The following PITPNM2 variants were observed in gnomAD, a reference collection of about 807,000 sequenced individuals.
The protein encoded by PITPNM2 is membrane-associated phosphatidylinositol transfer protein 2.
Under a neutral mutation model 132.2 loss-of-function variants are expected in PITPNM2, and 35 were observed. The observed-to-expected ratio is 0.26, with a 90% confidence interval of 0.20 to 0.35. The LOEUF (loss-of-function observed/expected upper bound fraction) is 0.35, where lower values mean the gene tolerates loss of function less well. PITPNM2 is among the 10% of genes least tolerant of loss of function. The pLI, the probability that PITPNM2 is intolerant of heterozygous loss-of-function variation, is 1.00. For synonymous variants in PITPNM2, 738 were observed against 799.2 expected, an observed-to-expected ratio of 0.92 and a Z score of 1.29; for missense variants, 1,332 against 1,912.0, an observed-to-expected ratio of 0.70 and a Z score of 5.66.
chr12:123,014,021 A>G lies in PITPNM2; in HGVS notation c.100T>C (p.Tyr34His), dbSNP rs376562298. ...ATCTCCACGCCGCTGCCTTCGCCAT[A>G]TGTCTCGTTACGGCTCTTCTTCTGT... ...MIQKKSRNET[Y>H]GEGSGVEILE... Residue 34 changes from tyrosine (Y) to histidine (H), a missense_variant, in exon 4 of 26, where the codon TAT becomes CAT. Transcript: ENST00000320201. 3 of 1,614,162 alleles carry G rather than the reference A, an allele frequency of 1.9e-6. No individual in the cohort carries two copies. The highest frequency in any genetic ancestry group is 2.2e-5 in the East Asian group (1 of 44,880).
intron 2 of PITPNM2, among the ~76,000 whole-genome samples, chr12:123,065,821 C>A (rs554204581): frequency 2.6e-5 from 4 of 152,320 alleles, no homozygotes; most frequent in Admixed American, 2.0e-4. Flanking sequence ...GGTGGTCAGG[C>A]AGCCACAGGG....
intron 8 of PITPNM2, among the ~76,000 whole-genome samples, chr12:123,002,997 C>A (rs2038763328): frequency 1.3e-5 from 2 of 152,168 alleles, no homozygotes; most frequent in South Asian, 4.1e-4. Context: ...CCTCAGCCTC[C>A]CAAAGTGCTG....
At chr12:123,073,815 G>A (rs562641907) in intron 2 of PITPNM2, among the ~76,000 whole-genome samples, 21 of 152,300 alleles carry the variant, frequency 1.4e-4, no homozygotes, top group African/African-American at 4.6e-4. Flanking sequence ...GATGCAGGGG[G>A]CTCTCCTCCA....
chr12:122,987,337 G>A lies in PITPNM2; in HGVS notation c.3357C>T (p.Ser1119=), dbSNP rs144681827. ...TGGGGTCGCTGCCCATGATGGACAC[G>A]CTAGCGGCAAAGGAACCGTCGATGC... The part of the protein sequence containing the change: ...VFSIDGSFAA[S]VSIMGSDPKV... Residue 1119 remains serine, a synonymous_variant, in exon 23 of 26, where the codon AGC becomes AGT. Transcript: ENST00000320201. 3.1e-5 allele frequency: 50 copies of A among 1,612,504 alleles called. No individual in the cohort carries two copies. The African/African-American group carries it at 4.7e-4, about 15-fold the overall frequency.
intron 2 of PITPNM2, among the ~76,000 whole-genome samples, chr12:123,038,830 T>C (rs901163422): frequency 1.3e-5 from 2 of 152,024 alleles, no homozygotes; most frequent in African/African-American, 4.8e-5. Flanking sequence ...CCGGGCACGG[T>C]GGCTCACACC....
At position 123,111,158 on chromosome 12, in the gene PITPNM2, C is replaced by T. The variant is rs1490765830; in HGVS notation, c.-199-670G>A. On this transcript the variant is annotated intron_variant, in intron 1 of 25. Transcript: ENST00000320201. The surrounding 1 kb of genome is among the most constrained non-coding windows in gnomAD (Gnocchi z 4.1). ...TTCACAGGTACCACTGAAGCCACTA[C>T]CCAACCCAGGGCTCCTACAGGGACC... is the stretch of plus-strand genomic sequence containing the variant. Among the ~76,000 whole-genome samples, 1 of 152,250 alleles carries T rather than the reference C, an allele frequency of 6.6e-6. No homozygotes were observed. Among genetic ancestry groups the T allele is most frequent in the Non-Finnish European group, 1.5e-5 (1 of 68,048 alleles).
At chr12:123,138,277 T>C (rs943897278) in intron 1 of PITPNM2, among the ~76,000 whole-genome samples, 9 of 151,668 alleles carry the variant, frequency 5.9e-5, no homozygotes, top group Non-Finnish European at 8.8e-5. Flanking sequence ...CAAAACCCCA[T>C]CTCTGCAAAA....
Position 123,099,551 on chromosome 12 carries a change from A to C in PITPNM2, c.-96+10834T>G, listed in dbSNP as rs1443620695. Among the ~76,000 whole-genome samples, 1 of 152,132 alleles carries C rather than the reference A, an allele frequency of 6.6e-6. No homozygotes were observed. The highest frequency in any genetic ancestry group is 1.9e-4 in the East Asian group (1 of 5,194). On this transcript the variant is annotated intron_variant, in intron 2 of 25. Coordinates refer to ENST00000320201, the MANE Select transcript of PITPNM2 (RefSeq NM_020845.3). The surrounding 1 kb of genome is among the most constrained non-coding windows in gnomAD (Gnocchi z 4.2). ...CCTGGTCTGAACATCATCTCCTTCC[A>C]CATGGCCGATCATAGAGCAGGAGCC...
rs2042428094 is a variant in PITPNM2 at position 123,097,032 on chromosome 12, T to C, written c.-96+13353A>G. Among the ~76,000 whole-genome samples the C allele has an allele frequency of 1.3e-5, 2 of 151,968 alleles. No homozygotes were observed. Among genetic ancestry groups the C allele is most frequent in the Non-Finnish European group, 1.5e-5 (1 of 68,000 alleles). On this transcript the variant is annotated intron_variant, in intron 2 of 25. Coordinates refer to ENST00000320201, the MANE Select transcript of PITPNM2 (RefSeq NM_020845.3). The surrounding 1 kb of genome is among the most constrained non-coding windows in gnomAD (Gnocchi z 4.7). ...CTCTTTATTTTTATTATTATTTATT[T>C]ATTTATTTATTTTTAATTTATTTTT...
At chr12:123,142,870 T>TC (rs754267095) in intron 1 of PITPNM2, among the ~76,000 whole-genome samples, 2 of 124,378 alleles carry the variant, frequency 1.6e-5, no homozygotes, top group Admixed American at 9.5e-5. Context: ...GTTGAGTTTT[T>TC]CTCCCTCTTA....
chr12:122,994,175 C>G lies in PITPNM2; in HGVS notation c.2233+626G>C, dbSNP rs2038318681. 6.6e-6 allele frequency among the ~76,000 whole-genome samples: 1 copy of G among 152,234 alleles called. No homozygotes were observed. The highest frequency in any genetic ancestry group is 1.5e-5 in the Non-Finnish European group (1 of 68,052). On this transcript the variant is annotated intron_variant, in intron 15 of 25. Transcript: ENST00000320201. This position sits in a 1 kb window ranked among gnomAD's most constrained non-coding sequence, Gnocchi z 5.4. ...GGCGTGAGCCACCGCGCCCGGCCAGCTCTGCATTTTTAACCTGCACTTGGC... is the reference window on the plus strand; with the variant it reads ...GGCGTGAGCCACCGCGCCCGGCCAGGTCTGCATTTTTAACCTGCACTTGGC...
chr12:122,990,153 G>A (rs1005119288), intron 17 of PITPNM2, among the ~76,000 whole-genome samples: 1 of 152,236 alleles, frequency 6.6e-6, no homozygotes, highest in Non-Finnish European at 1.5e-5. Flanking sequence ...CCACAGCTGC[G>A]AGAATCCCTG....
chr12:123,108,099 C>G lies in PITPNM2; in HGVS notation c.-96+2286G>C, dbSNP rs1054665986. Among the ~76,000 whole-genome samples the G allele has an allele frequency of 1.3e-5, 2 of 152,178 alleles. No individual in the cohort carries two copies. Among genetic ancestry groups the G allele is most frequent in the Non-Finnish European group, 2.9e-5 (2 of 68,032 alleles). ...GGATGCTGGAACTGCATAAGCAAAG[C>G]GCAGAGAATGTACCAGCATATAAAC... On this transcript the variant is annotated intron_variant, in intron 2 of 25. Transcript: ENST00000320201. The surrounding 1 kb of genome is among the most constrained non-coding windows in gnomAD (Gnocchi z 4.4).
At chr12:123,148,200 C>T (rs1294871762) in intron 1 of PITPNM2, among the ~76,000 whole-genome samples, 1 of 152,162 alleles carries the variant, frequency 6.6e-6, no homozygotes, top group Non-Finnish European at 1.5e-5. Context: ...CACTTAGCCG[C>T]ATCTGTGTTT....
chr12:123,088,287 C>T (rs2042167927), intron 2 of PITPNM2: 1 of 152,124 alleles, frequency 6.6e-6, no homozygotes, highest in African/African-American at 2.4e-5. Context: ...CAAAGAGGTC[C>T]TTTCTGACCA....
In PITPNM2 at chr12:122,985,100, G is replaced by T. The variant is rs3741530; in HGVS notation, c.*927C>A. 0.54 allele frequency: 82,418 copies of T among 152,482 alleles called. 26,935 individuals carry two copies. The highest frequency in any genetic ancestry group is 0.71 in the Non-Finnish European group (48,099 of 67,994). 9.4% of individuals were successfully genotyped at this position (152,482 alleles called of 1,614,324 possible). ...AAGTGGGCAGGAGCAGGGCCCACGG[G>T]ACCCAGAACCAGGCTGGACTCCGTC... On this transcript the variant is annotated 3_prime_UTR_variant, in exon 26 of 26. Coordinates refer to ENST00000320201, the MANE Select transcript of PITPNM2 (RefSeq NM_020845.3).
At chr12:123,042,720 C>G (rs2040535101) in intron 2 of PITPNM2, among the ~76,000 whole-genome samples, 1 of 152,148 alleles carries the variant, frequency 6.6e-6, no homozygotes, top group Non-Finnish European at 1.5e-5. Flanking sequence ...CTCTCTGCTT[C>G]CCAAACCTAC....
At chr12:123,128,033 T>A (rs1318945945) in intron 1 of PITPNM2, among the ~76,000 whole-genome samples, 1 of 151,996 alleles carries the variant, frequency 6.6e-6, no homozygotes, top group Non-Finnish European at 1.5e-5. Context: ...CAACAGTGCT[T>A]CCTAGATGTT....
intron 1 of PITPNM2, among the ~76,000 whole-genome samples, chr12:123,124,187 C>A (rs151036257): frequency 0.042 from 6,326 of 152,158 alleles, 437 homozygotes; most frequent in African/African-American, 0.14. Context: ...ACCCAGGAGG[C>A]GGAGGTTGCA....
Sources: allele counts gnomAD v4.1 joint callset (sites outside exome capture counted in the v4.1 genomes callset), GRCh38; gene constraint gnomAD v4.1.1; non-coding constraint Gnocchi (gnomAD v3.1); transcripts MANE v1.5; gene names NCBI Gene and HGNC (gene_info 2026-07-23, HGNC 2026-07-21).